The following NBPF11 variants were observed in gnomAD, a reference collection of about 807,000 sequenced individuals.
NBPF11 encodes the protein NBPF member 11, also known as NBPF family member NBPF11.
Under a neutral mutation model 93.9 loss-of-function variants are expected in NBPF11, and 72 were observed. That is an observed-to-expected ratio of 0.77 (90% confidence interval 0.63 to 0.93). The LOEUF is 0.93. Among genes scored for constraint, NBPF11 ranks in the 40% least tolerant of loss-of-function variants. The pLI is 0.00. For synonymous variants in NBPF11, 224 were observed against 304.9 expected (o/e 0.73, Z 2.76); for missense variants, 705 against 802.2 (o/e 0.88, Z 1.46).
rs1240564622 is a variant in NBPF11, at chr1:148,140,416, A to C, written c.-276-2607T>G. On this transcript the variant is annotated intron_variant, in intron 2 of 23. Transcript: ENST00000682118. Reference sequence around the variant, plus strand: ...CACAATCTACTAATGAAAAAAAATTAAGTTGAGCCTCATTAAAATTAAAAA... The same window carrying C: ...CACAATCTACTAATGAAAAAAAATTCAGTTGAGCCTCATTAAAATTAAAAA... 3.7e-3 allele frequency among the ~76,000 whole-genome samples: 565 copies of C among 151,686 alleles called. 10 individuals are homozygous for C. Among genetic ancestry groups the C allele is most frequent in the African/African-American group, 0.012 (504 of 41,144 alleles).
rs1358426118 is a variant in NBPF11 at position 148,106,914 on chromosome 1, C to T, written c.2251+28G>A. On this transcript the variant is annotated intron_variant, in intron 20 of 23. Transcript: ENST00000682118. ...CCCTATCTGGAAGGCCAGGTGGAGGCTTATCACCTTCATAGTAAGGTACTC... is the reference window on the plus strand; with the variant it reads ...CCCTATCTGGAAGGCCAGGTGGAGGTTTATCACCTTCATAGTAAGGTACTC... The T allele has an allele frequency of 1.6e-5, 11 of 689,388 alleles. 2 individuals are homozygous for T. The highest frequency in any genetic ancestry group is 2.8e-5 in the East Asian group (1 of 35,994). The allele number at this position is 689,388 out of a possible 1,614,324, so 42.7% of individuals were successfully genotyped here. A position where few individuals can be genotyped will look rare whatever the true frequency, so the allele number is the denominator to read the frequency against.
chr1:148,138,095 G>A (rs1456688229), intron 2 of NBPF11, among the ~76,000 whole-genome samples: 19 of 146,670 alleles, frequency 1.3e-4, no homozygotes, highest in South Asian at 2.2e-4. Context: ...AGGTAAACAC[G>A]TGAACAAATG....
At chr1:148,129,184 T>C (rs1255699196) in intron 4 of NBPF11, among the ~76,000 whole-genome samples, 2 of 129,634 alleles carry the variant, frequency 1.5e-5, no homozygotes, top group Admixed American at 8.0e-5. Flanking sequence ...TATACATGTA[T>C]ACACGTATAT....
At chr1:148,124,485 A>G in intron 6 of NBPF11, among the ~76,000 whole-genome samples, 1 of 150,418 alleles carries the variant, frequency 6.6e-6, no homozygotes, top group African/African-American at 2.5e-5. Context: ...AGACGAAAGA[A>G]GAAAAGAATG....
chr1:148,136,932 T>C (rs1671388960), intron 3 of NBPF11, among the ~76,000 whole-genome samples: 1 of 151,842 alleles, frequency 6.6e-6, no homozygotes, highest in South Asian at 2.1e-4. Flanking sequence ...ATTTTTCATG[T>C]TGAACTAATG....
chr1:148,147,612 C>G (rs1304459977), intron 1 of NBPF11, among the ~76,000 whole-genome samples: 1 of 152,000 alleles, frequency 6.6e-6, no homozygotes, highest in African/African-American at 2.4e-5. Context: ...CTCGTCCTGG[C>G]CCTGCCCAGC....
In NBPF11 at chr1:148,103,760, C is replaced by G. The variant is rs1309830352; in HGVS notation, c.*136G>C. Reference sequence around the variant, plus strand: ...CCTATTGTCCATGTCAAGGGCAAAGCTGATGTGCTGTTCCTCAAATGAGTA... The same window carrying G: ...CCTATTGTCCATGTCAAGGGCAAAGGTGATGTGCTGTTCCTCAAATGAGTA... On this transcript the variant is annotated 3_prime_UTR_variant, in exon 24 of 24. Coordinates refer to ENST00000682118, the MANE Select transcript of NBPF11 (RefSeq NM_001385469.3). 1.3e-5 allele frequency: 21 copies of G among 1,611,702 alleles called. No homozygotes were observed. In the East Asian group the frequency reaches 1.3e-4, roughly 10 times the overall value.
chr1:148,103,803 G>C lies in NBPF11; in HGVS notation c.*93C>G, dbSNP rs1286662568. ...AATGAGTAAAACACACTTCTGTAGTGCTGGAATGAGTCAGGTAGTTCAAAG... is the reference window on the plus strand; with the variant it reads ...AATGAGTAAAACACACTTCTGTAGTCCTGGAATGAGTCAGGTAGTTCAAAG... On this transcript the variant is annotated 3_prime_UTR_variant, in exon 24 of 24. Coordinates refer to ENST00000682118, the MANE Select transcript of NBPF11 (RefSeq NM_001385469.3). 1.2e-6 allele frequency: 2 copies of C among 1,611,746 alleles called. No homozygotes were observed. Among genetic ancestry groups the C allele is most frequent in the African/African-American group, 1.3e-5 (1 of 74,752 alleles).
At chr1:148,147,571 G>A (rs1422381759) in intron 1 of NBPF11, among the ~76,000 whole-genome samples, 1 of 152,014 alleles carries the variant, frequency 6.6e-6, no homozygotes, top group African/African-American at 2.4e-5. Flanking sequence ...GCCTCTGGTG[G>A]CTTTTCCTGC....
chr1:148,110,383 A>G lies in NBPF11; in HGVS notation c.1796T>C (p.Ile599Thr), dbSNP rs1316245349. The change falls in exon 16 of 24, where the codon ATA becomes ACA. Residue 599 changes from isoleucine (I) to threonine (T), a missense_variant. By Grantham distance (89) the Ile-to-Thr change is moderately conservative. Coordinates refer to ENST00000682118, the MANE Select transcript of NBPF11 (RefSeq NM_001385469.3). ...EEQQVCMAVDIGRHRWDQVKK... is the reference protein window; with the variant it reads ...EEQQVCMAVDTGRHRWDQVKK... ...CTTCACAATGGAGTACTCACTGCCT[A>G]TGTCAACAGCCATGCAGACTTGCTG... The G allele has an allele frequency of 3.8e-6, 6 of 1,587,066 alleles. 1 individual carries two copies. The Admixed American group carries it at 8.4e-5, about 22-fold the overall frequency.
intron 1 of NBPF11, among the ~76,000 whole-genome samples, chr1:148,146,118 T>C (rs1358643661): frequency 2.0e-5 from 3 of 151,426 alleles, no homozygotes; most frequent in South Asian, 2.1e-4. Flanking sequence ...CCGGGAGCCA[T>C]GGAGCGCGGC....
chr1:148,115,421 A>G (rs1418040741), intron 14 of NBPF11, among the ~76,000 whole-genome samples: 5 of 150,048 alleles, frequency 3.3e-5, no homozygotes, highest in Admixed American at 2.6e-4. Flanking sequence ...CCAAATACAA[A>G]GGCAAGGCTG....
At chr1:148,142,457 C>A (rs1345742560) in intron 2 of NBPF11, among the ~76,000 whole-genome samples, 6 of 151,216 alleles carry the variant, frequency 4.0e-5, no homozygotes, top group Admixed American at 1.3e-4. Context: ...CACCAGGCCG[C>A]AACCTTCCCT....
At position 148,129,001 on chromosome 1, in the gene NBPF11, G is replaced by A. The variant is rs1424233164; in HGVS notation, c.-35-1963C>T. ...ACATCACACACCAGGGCCTGTCATG[G>A]GGTGAGGGCTGGGGGAGGGATAGCA... On this transcript the variant is annotated intron_variant, in intron 4 of 23. Transcript: ENST00000682118. Among the ~76,000 whole-genome samples, 23 of 148,684 alleles carry A rather than the reference G, an allele frequency of 1.5e-4. No homozygotes were observed. The South Asian group carries it at 4.8e-3, about 31-fold the overall frequency.
rs1203084110 is a variant in NBPF11 at position 148,132,373 on chromosome 1, A to T, written c.-36+3299T>A. Among the ~76,000 whole-genome samples the T allele has an allele frequency of 2.7e-5, 4 of 149,318 alleles. 1 individual carries two copies. The highest frequency in any genetic ancestry group is 7.5e-5 in the African/African-American group (3 of 40,236). ...ATATTCTATTTTTTTTTTTCAACAA[A>T]ACACATAATCTTGATTTTCATAGCT... On this transcript the variant is annotated intron_variant, in intron 4 of 23. Coordinates refer to ENST00000682118, the MANE Select transcript of NBPF11 (RefSeq NM_001385469.3).
At chr1:148,133,501 T>A (rs1356191012) in intron 4 of NBPF11, among the ~76,000 whole-genome samples, 1 of 152,196 alleles carries the variant, frequency 6.6e-6, no homozygotes, top group Non-Finnish European at 1.5e-5. Flanking sequence ...TCTGTTCTCA[T>A]CATGCTGAGC....
chr1:148,139,931 T>C (rs1160746478), intron 2 of NBPF11, among the ~76,000 whole-genome samples: 9 of 150,602 alleles, frequency 6.0e-5, no homozygotes, highest in East Asian at 4.0e-4. Context: ...GGGGGAATCT[T>C]ACACATTTCC....
chr1:148,121,840 C>T (rs55658235), intron 9 of NBPF11, among the ~76,000 whole-genome samples: 20,478 of 151,370 alleles, frequency 0.14, 1,242 homozygotes, highest in East Asian at 0.27. Context: ...ATGGGTTTCA[C>T]CATATACTCC....
intron 11 of NBPF11, among the ~76,000 whole-genome samples, chr1:148,118,303 T>C (rs2149219558): frequency 6.6e-6 from 1 of 152,048 alleles, no homozygotes; most frequent in African/African-American, 2.4e-5. Flanking sequence ...AGTGGGGTGG[T>C]GATGGCACAC....
Sources: allele counts gnomAD v4.1 joint callset (sites outside exome capture counted in the v4.1 genomes callset), GRCh38; gene constraint gnomAD v4.1.1; transcripts MANE v1.5; gene names NCBI Gene and HGNC (gene_info 2026-07-23, HGNC 2026-07-21).